Variants in PDE6B observed in about 807,000 individuals in gnomAD.
PDE6B encodes the protein phosphodiesterase 6B.
Under a neutral mutation model 109.0 loss-of-function variants are expected in PDE6B, and 106 were observed. That is an observed-to-expected ratio of 0.97 (90% CI 0.83 to 1.14). The LOEUF (loss-of-function observed/expected upper bound fraction) is 1.14, where lower values mean the gene tolerates loss of function less well. PDE6B is among the 50% of genes most tolerant of loss of function. The pLI is 0.00. For synonymous variants in PDE6B, 490 were observed against 471.3 expected (o/e 1.04, Z -0.51); for missense variants, 1,193 against 1,155.6 (o/e 1.03, Z -0.47).
Position 657,050 on chromosome 4 carries a change from G to A in PDE6B, c.1257+27G>A, listed in dbSNP as rs370453540. ...TAAGCACCTGGGCAGACGTGGTTCC[G>A]CCGGGGATGCCCTGCGAGGGGTGGG... On this transcript the variant is annotated intron_variant, in intron 9 of 21. Coordinates refer to ENST00000496514, the MANE Select transcript of PDE6B (RefSeq NM_000283.4). The A allele has an allele frequency of 1.7e-4, 266 of 1,608,914 alleles. 1 individual carries two copies. Among genetic ancestry groups the A allele is most frequent in the Non-Finnish European group, 2.1e-4 (246 of 1,176,574 alleles).
At chr4:653,800 C>T (rs987200009) in intron 3 of PDE6B, 52 bp from the exon 4 acceptor site, 26 of 1,602,618 alleles carry the variant, frequency 1.6e-5, no homozygotes, top group African/African-American at 4.0e-5. Flanking sequence ...GTGGTCAGAC[C>T]GGCGTGAGGG....
At chr4:641,910 G>C (rs915791283) in intron 3 of PDE6B, among the ~76,000 whole-genome samples, 1 of 152,122 alleles carries the variant, frequency 6.6e-6, no homozygotes, top group African/African-American at 2.4e-5. Flanking sequence ...GCCTCCCAAA[G>C]TGCTGGAATT....
At chr4:664,307 C>A (rs1172917273) in intron 17 of PDE6B, 86 bp downstream of exon 17, 1 of 796,214 alleles carries the variant, frequency 1.3e-6, no homozygotes, top group African/African-American at 1.7e-5. Context: ...GCAGCCCTCC[C>A]CAGACGCTCT....
chr4:657,278 G>A, intron 9 of PDE6B, 73 bp from the exon 10 acceptor site: 4 of 1,571,050 alleles, frequency 2.5e-6, no homozygotes, highest in Non-Finnish European at 2.6e-6. Flanking sequence ...GAGCCACGGG[G>A]CCTGGCACAC....
At chr4:664,058 G>C in intron 16 of PDE6B, 56 bp from the exon 17 acceptor site, 1 of 1,305,822 alleles carries the variant, frequency 7.7e-7, no homozygotes, top group Non-Finnish European at 1.1e-6. Context: ...ACGGGCGCTT[G>C]GGGCGGGGTC....
chr4:649,808 CCCTGGCCCCTCAGGACCT>C (rs1331000893), intron 3 of PDE6B, among the ~76,000 whole-genome samples: 1 of 152,166 alleles, frequency 6.6e-6, no homozygotes, highest in East Asian at 1.9e-4. Context: ...ATCCCATCTG[CCCTGGCCCCTCAGGACCT>C]CCTGGCCCCT....
chr4:646,628 G>T (rs927334584), intron 3 of PDE6B, among the ~76,000 whole-genome samples: 1 of 151,932 alleles, frequency 6.6e-6, no homozygotes, highest in Admixed American at 6.5e-5. Flanking sequence ...TGCTCCGCTC[G>T]CTCCGCTCGT....
chr4:663,304 T>A lies in PDE6B; in HGVS notation c.1920+117T>A. ...ATGCAGCGGGTGAGCACTGGGTGTG[T>A]GAGCACTGGGGGAGGGCGGCAGAGA... On this transcript the variant is annotated intron_variant, in intron 15 of 21. Coordinates refer to ENST00000496514, the MANE Select transcript of PDE6B (RefSeq NM_000283.4). The surrounding 1 kb of genome is among the most constrained non-coding windows in gnomAD (Gnocchi z 4.0). The A allele has an allele frequency of 1.4e-6, 1 of 729,716 alleles. No individual in the cohort carries two copies. Among genetic ancestry groups the A allele is most frequent in the South Asian group, 1.4e-5 (1 of 69,812 alleles). 45.2% of individuals were successfully genotyped at this position (729,716 alleles called of 1,614,324 possible).
Position 666,700 on chromosome 4 carries a change from C to T in PDE6B, c.2352+86C>T, listed in dbSNP as rs561929457. ...GGCGCGGGCTGGAGTCGCGTGGACT[C>T]ACACGGGCCCGGCGGTGTCCTCACT... On this transcript the variant is annotated intron_variant, in intron 20 of 21. Coordinates refer to ENST00000496514, the MANE Select transcript of PDE6B (RefSeq NM_000283.4). The surrounding 1 kb of genome is among the most constrained non-coding windows in gnomAD (Gnocchi z 5.6). The T allele has an allele frequency of 4.6e-4, 400 of 867,810 alleles. 7 individuals carry two copies. In the South Asian group the frequency reaches 5.2e-3, roughly 11 times the overall value. 53.8% of individuals were successfully genotyped at this position (867,810 alleles called of 1,614,324 possible).
intron 3 of PDE6B, among the ~76,000 whole-genome samples, chr4:642,804 G>A (rs1011011350): frequency 6.7e-6 from 1 of 149,858 alleles, no homozygotes; most frequent in African/African-American, 2.5e-5. Flanking sequence ...ACTTGAGGAA[G>A]TTCTCTCTAT....
chr4:641,519 C>T lies in PDE6B; in HGVS notation c.711+5550C>T, dbSNP rs559569633. On this transcript the variant is annotated intron_variant, in intron 3 of 21. Transcript: ENST00000496514. ...CTCACCAAGTACCGTCACAGCCACA[C>T]TTTTAAAACCAAGGTCTATTGGGCT... is the stretch of plus-strand genomic sequence containing the variant. Among the ~76,000 whole-genome samples, 43 of 152,360 alleles carry T rather than the reference C, an allele frequency of 2.8e-4. 2 individuals are homozygous for T. The South Asian group carries it at 7.5e-3, about 26-fold the overall frequency.
chr4:645,557 A>C (rs1410405194), intron 3 of PDE6B, among the ~76,000 whole-genome samples: 1 of 151,656 alleles, frequency 6.6e-6, no homozygotes, highest in African/African-American at 2.4e-5. Flanking sequence ...GGCCTCCCAA[A>C]GTGCTGGGAT....
Position 657,341 on chromosome 4 carries a change from T to A in PDE6B, c.1258-10T>A, listed in dbSNP as rs727504074. The A allele has an allele frequency of 7.1e-5, 114 of 1,612,542 alleles. No individual in the cohort carries two copies. Among genetic ancestry groups the A allele is most frequent in the Middle Eastern group, 1.6e-4 (1 of 6,082 alleles). ...GCGCTGAGCGCCAGTGACACTGCCATCCCCTCCAGTCCCTGACACAGTTCC... is the reference window on the plus strand; with the variant it reads ...GCGCTGAGCGCCAGTGACACTGCCAACCCCTCCAGTCCCTGACACAGTTCC... On this transcript the variant is annotated splice_polypyrimidine_tract_variant and intron_variant, in intron 9 of 21. Coordinates refer to ENST00000496514, the MANE Select transcript of PDE6B (RefSeq NM_000283.4).
chr4:655,868 C>T (rs1318418654), intron 6 of PDE6B, 72 bp from the exon 7 acceptor site: 13 of 883,228 alleles, frequency 1.5e-5, no homozygotes, highest in East Asian at 2.4e-5. Context: ...CACAGACATC[C>T]AGTCCCTCTG....
intron 3 of PDE6B, among the ~76,000 whole-genome samples, chr4:645,886 A>G (rs567430697): frequency 1.3e-4 from 20 of 152,168 alleles, no homozygotes; most frequent in African/African-American, 4.8e-4. Context: ...GAGTGTGGCT[A>G]TCTTACCACA....
In PDE6B at chr4:656,082, TGCCACGTCCC is replaced by T. The variant is rs528408885; in HGVS notation, c.1059+80_1059+89del. On this transcript the variant is annotated intron_variant, in intron 7 of 21. Coordinates refer to ENST00000496514, the MANE Select transcript of PDE6B (RefSeq NM_000283.4). Reference sequence around the variant, plus strand: ...GGCGATGTGTGCTTCTCCTTGTCTCTGCCACGTCCCGCCCTCCCGGCCAGCTCCACGTGCC... The same window carrying T: ...GGCGATGTGTGCTTCTCCTTGTCTCTGCCCTCCCGGCCAGCTCCACGTGCC... The T allele has an allele frequency of 5.9e-4, 641 of 1,094,556 alleles. 3 individuals carry two copies. The African/African-American group carries it at 6.2e-3, about 11-fold the overall frequency. The allele number at this position is 1,094,556 out of a possible 1,614,324, so 67.8% of individuals were successfully genotyped here. A position where few individuals can be genotyped will look rare whatever the true frequency, so the allele number is the denominator to read the frequency against.
chr4:649,156 A>G (rs1281472011), intron 3 of PDE6B, among the ~76,000 whole-genome samples: 1 of 152,158 alleles, frequency 6.6e-6, no homozygotes, highest in Non-Finnish European at 1.5e-5. Context: ...AGCGACCCAC[A>G]GTGGGGCGGG....
At position 666,747 on chromosome 4, in the gene PDE6B, G is replaced by A. The variant is rs569386828; in HGVS notation, c.2352+133G>A. ...CACTGGAGTAGGGATGCCAGTGCCA[G>A]CTTCGTGCCGCTCTTGAGTGGGGCA... On this transcript the variant is annotated intron_variant, in intron 20 of 21. Transcript: ENST00000496514. This position sits in a 1 kb window ranked among gnomAD's most constrained non-coding sequence, Gnocchi z 5.6. 1 of 700,058 alleles carries A rather than the reference G, an allele frequency of 1.4e-6. No homozygotes were observed. Among genetic ancestry groups the A allele is most frequent in the African/African-American group, 1.8e-5 (1 of 56,966 alleles). The allele number at this position is 700,058 out of a possible 1,614,324, so 43.4% of individuals were successfully genotyped here. A position where few individuals can be genotyped will look rare whatever the true frequency, so the allele number is the denominator to read the frequency against.
chr4:625,638 T>C lies in PDE6B; in HGVS notation c.12T>C (p.Ser4=). The C allele has an allele frequency of 6.2e-7, 1 of 1,612,728 alleles. No homozygotes were observed. The highest frequency in any genetic ancestry group is 8.5e-7 in the Non-Finnish European group (1 of 1,178,884). The change falls in exon 1 of 22, where the codon AGT becomes AGC. Residue 4 remains serine, a synonymous_variant. Transcript: ENST00000496514. The surrounding 1 kb of genome is among the most constrained non-coding windows in gnomAD (Gnocchi z 5.0). The part of the protein sequence containing the change: MSL[S]EEQARSFLDQ... ...GACAGGCAGCCACCATGAGCCTCAG[T>C]GAGGAGCAGGCCCGGAGCTTTCTGG...
Sources: allele counts gnomAD v4.1 joint callset (sites outside exome capture counted in the v4.1 genomes callset), GRCh38; gene constraint gnomAD v4.1.1; non-coding constraint Gnocchi (gnomAD v3.1); transcripts MANE v1.5; gene names NCBI Gene and HGNC (gene_info 2026-07-23, HGNC 2026-07-21).